ATP8A2: variants seen among roughly 807,000 people sequenced by gnomAD.
The protein encoded by ATP8A2 is phospholipid-transporting ATPase IB.
ATP8A2 carries 100 observed loss-of-function variants against 165.6 expected under a neutral mutation model. That is an observed-to-expected ratio of 0.60 (90% CI 0.51 to 0.71). The LOEUF (loss-of-function observed/expected upper bound fraction) is 0.71, where lower values mean the gene tolerates loss of function less well. Ranked by LOEUF, ATP8A2 falls within the 30% of genes least tolerant of loss-of-function variation. ATP8A2 has a pLI of 0.00. For missense variants in ATP8A2, 1,227 were observed against 1,479.5 expected (o/e 0.83, Z 2.80); for synonymous variants, 543 against 548.8 (o/e 0.99, Z 0.15).
intron 24 of ATP8A2, among the ~76,000 whole-genome samples, chr13:25,697,962 A>G (rs1364978115): frequency 1.3e-5 from 2 of 152,246 alleles, no homozygotes; most frequent in Non-Finnish European, 2.9e-5. Context: ...TTTTAATAGT[A>G]GCTGATCCTC....
At chr13:25,732,382 G>A (rs2043671014) in intron 25 of ATP8A2, among the ~76,000 whole-genome samples, 1 of 152,168 alleles carries the variant, frequency 6.6e-6, no homozygotes, top group Non-Finnish European at 1.5e-5. Context: ...GCAGTCCTCT[G>A]TTTCCTGCTG....
intron 24 of ATP8A2, among the ~76,000 whole-genome samples, chr13:25,694,580 C>G (rs995398993): frequency 1.3e-5 from 2 of 152,164 alleles, no homozygotes; most frequent in African/African-American, 4.8e-5. Context: ...TCTCTCTACC[C>G]AAATTCTAAA....
At chr13:25,846,538 C>T (rs1317488824) in intron 30 of ATP8A2, among the ~76,000 whole-genome samples, 1 of 152,044 alleles carries the variant, frequency 6.6e-6, no homozygotes, top group Non-Finnish European at 1.5e-5. Context: ...GGAGATATTG[C>T]GGGGCAGATT....
chr13:25,372,319 T>C lies in ATP8A2; in HGVS notation c.76+31T>C, dbSNP rs2137888595. 7.9e-6 allele frequency: 4 copies of C among 507,778 alleles called. No homozygotes were observed. The highest frequency in any genetic ancestry group is 4.1e-5 in the Admixed American group (1 of 24,388). The allele number at this position is 507,778 out of a possible 1,614,324, so 31.5% of individuals were successfully genotyped here. A position where few individuals can be genotyped will look rare whatever the true frequency, so the allele number is the denominator to read the frequency against. On this transcript the variant is annotated intron_variant, in intron 1 of 36. Transcript: ENST00000381655. The surrounding 1 kb of genome is among the most constrained non-coding windows in gnomAD (Gnocchi z 4.8). ...CTGGGAGGGGCGCGGCGAGGGAGGG[T>C]GGGCCCGGGGCGGGGGCGGCGCGGG... is the stretch of plus-strand genomic sequence containing the variant.
At chr13:25,708,231 CTTAA>C (rs1395900760) in intron 25 of ATP8A2, among the ~76,000 whole-genome samples, 1 of 152,166 alleles carries the variant, frequency 6.6e-6, no homozygotes, top group African/African-American at 2.4e-5. Flanking sequence ...AAGAACAGAG[CTTAA>C]TTAAACATGT....
chr13:25,764,263 G>C (rs1566115382), intron 25 of ATP8A2, among the ~76,000 whole-genome samples: 1 of 152,082 alleles, frequency 6.6e-6, no homozygotes, highest in African/African-American at 2.4e-5. Flanking sequence ...TCTTATTTGA[G>C]ACACTCAGAT....
At chr13:25,452,335 T>C (rs1314065550) in intron 1 of ATP8A2, among the ~76,000 whole-genome samples, 1 of 152,220 alleles carries the variant, frequency 6.6e-6, no homozygotes, top group Non-Finnish European at 1.5e-5. Context: ...TCATGTCCTG[T>C]TCCTTAGGTG....
intron 6 of ATP8A2, among the ~76,000 whole-genome samples, chr13:25,533,716 C>T (rs1168213340): frequency 6.6e-6 from 1 of 152,154 alleles, no homozygotes; most frequent in African/African-American, 2.4e-5. Flanking sequence ...AGAAACCACC[C>T]CATTTCCGTT....
At chr13:25,565,975 C>G (rs916861012) in intron 16 of ATP8A2, among the ~76,000 whole-genome samples, 2 of 151,822 alleles carry the variant, frequency 1.3e-5, no homozygotes, top group African/African-American at 4.8e-5. Context: ...GAAAAAATTT[C>G]TAGATTTAAA....
intron 25 of ATP8A2, among the ~76,000 whole-genome samples, chr13:25,703,206 A>G (rs2042986707): frequency 6.6e-6 from 1 of 152,068 alleles, no homozygotes; most frequent in South Asian, 2.1e-4. Flanking sequence ...CGGCCTCCCA[A>G]ATAGCTGGGA....
At chr13:25,998,504 A>G (rs1005804490) in intron 35 of ATP8A2, among the ~76,000 whole-genome samples, 14 of 152,136 alleles carry the variant, frequency 9.2e-5, no homozygotes, top group African/African-American at 3.4e-4. Context: ...CTGTCTTGCT[A>G]GGCTGCCCCT....
intron 1 of ATP8A2, among the ~76,000 whole-genome samples, chr13:25,453,505 T>G (rs1305970772): frequency 7.2e-5 from 11 of 152,124 alleles, no homozygotes; most frequent in Admixed American, 7.2e-4. Context: ...GGCCTCGGGA[T>G]TGGCTTGTGT....
intron 1 of ATP8A2, among the ~76,000 whole-genome samples, chr13:25,447,450 G>A (rs931103893): frequency 7.2e-5 from 11 of 152,126 alleles, no homozygotes; most frequent in African/African-American, 2.7e-4. Context: ...TGATGGGGGT[G>A]GCTCATTTAC....
intron 33 of ATP8A2, among the ~76,000 whole-genome samples, chr13:25,937,817 C>G (rs1954951959): frequency 7.3e-6 from 1 of 137,620 alleles, no homozygotes; most frequent in East Asian, 2.2e-4. Context: ...ACACTGCACT[C>G]CAGCCTGGGG....
chr13:25,409,787 C>T (rs1206472941), intron 1 of ATP8A2, among the ~76,000 whole-genome samples: 1 of 151,978 alleles, frequency 6.6e-6, no homozygotes, highest in Non-Finnish European at 1.5e-5. Flanking sequence ...ACCATAATTA[C>T]TTTTATGGCA....
intron 1 of ATP8A2, among the ~76,000 whole-genome samples, chr13:25,422,320 G>A (rs2034324256): frequency 6.6e-6 from 1 of 152,144 alleles, no homozygotes; most frequent in South Asian, 2.1e-4. Context: ...TATTTTTAAA[G>A]CATTGACCTG....
chr13:25,650,299 T>A (rs751270269), intron 24 of ATP8A2, among the ~76,000 whole-genome samples: 1 of 152,196 alleles, frequency 6.6e-6, no homozygotes, highest in Non-Finnish European at 1.5e-5. Flanking sequence ...GTTGAACTTT[T>A]TGTGGGGTAG....
At chr13:25,532,998 CT>C (rs1056390387) in intron 5 of ATP8A2, among the ~76,000 whole-genome samples, 1 of 151,196 alleles carries the variant, frequency 6.6e-6, no homozygotes, top group Non-Finnish European at 1.5e-5. Context: ...GAACAGCAGG[CT>C]TTTTTTTTCT....
At chr13:25,646,556 T>A (rs2041676122) in intron 24 of ATP8A2, among the ~76,000 whole-genome samples, 1 of 148,416 alleles carries the variant, frequency 6.7e-6, no homozygotes, top group African/African-American at 2.5e-5. Flanking sequence ...CTTGGGAGGC[T>A]GAGGTAGAGA....
Sources: gnomAD v4.1 joint callset for allele counts (sites outside exome capture counted in the v4.1 genomes callset) on GRCh38, gnomAD v4.1.1 for gene constraint, Gnocchi (gnomAD v3.1) non-coding constraint, MANE v1.5 for transcripts, NCBI Gene and HGNC (gene_info 2026-07-23, HGNC 2026-07-21) for gene names.